Variants in DLGAP1 observed in about 807,000 individuals in gnomAD.
DLGAP1 encodes the protein disks large-associated protein 1.
A neutral mutation model predicts 90.8 loss-of-function variants in DLGAP1; 11 were observed. The observed-to-expected ratio is 0.12, with a 90% CI of 0.08 to 0.20. The LOEUF (loss-of-function observed/expected upper bound fraction) is 0.20, where lower values mean the gene tolerates loss of function less well. DLGAP1 is among the 10% of genes least tolerant of loss of function. The probability of loss-of-function intolerance (pLI) is 1.00; values close to 1 mark genes in which losing one functional copy is unlikely to be tolerated. For synonymous variants in DLGAP1, 558 were observed against 540.7 expected (o/e 1.03, Z -0.44); for missense variants, 1,050 against 1,333.8 (o/e 0.79, Z 3.31).
At chr18:3,765,891 C>T (rs1439742851) in intron 5 of DLGAP1, among the ~76,000 whole-genome samples, 1 of 151,796 alleles carries the variant, frequency 6.6e-6, no homozygotes. Context: ...AAATAGAATC[C>T]TGAAAAAATT....
At chr18:3,510,292 G>A (rs7242971) in intron 10 of DLGAP1, among the ~76,000 whole-genome samples, 10,966 of 152,258 alleles carry the variant, frequency 0.072, 622 homozygotes, top group African/African-American at 0.16. Flanking sequence ...GGTTAAAAGC[G>A]TTAGTGTATT....
intron 7 of DLGAP1, among the ~76,000 whole-genome samples, chr18:3,664,324 C>A (rs2059804830): frequency 6.6e-6 from 1 of 152,034 alleles, no homozygotes; most frequent in South Asian, 2.1e-4. Flanking sequence ...CTGAACCCTG[C>A]CTAAATTCCT....
intron 1 of DLGAP1, among the ~76,000 whole-genome samples, chr18:4,453,214 A>G (rs890113700): frequency 1.3e-5 from 2 of 152,222 alleles, no homozygotes; most frequent in African/African-American, 4.8e-5. Flanking sequence ...CCTGACTTCT[A>G]TGAACTTTCT....
At position 4,280,324 on chromosome 18, in the gene DLGAP1, T is replaced by C. The variant is rs575021732; in HGVS notation, c.-266-129037A>G. Among the ~76,000 whole-genome samples the C allele has an allele frequency of 2.6e-4, 39 of 152,338 alleles. 2 individuals are homozygous for C. The South Asian group carries it at 6.8e-3, about 27-fold the overall frequency. On this transcript the variant is annotated intron_variant, in intron 1 of 12. Coordinates refer to ENST00000315677, the MANE Select transcript of DLGAP1 (RefSeq NM_004746.4). ...AAACAATCTTGCCAGGAACTGTTCT[T>C]AGTGTCTGGGATACATGGATGAACA...
chr18:3,574,124 G>A (rs1235019519), intron 8 of DLGAP1, among the ~76,000 whole-genome samples: 3 of 152,150 alleles, frequency 2.0e-5, no homozygotes, highest in East Asian at 1.9e-4. Context: ...ATAGTTTTTC[G>A]AAAGGTCATA....
chr18:3,563,031 T>C lies in DLGAP1; in HGVS notation c.2057+4459A>G, dbSNP rs144207367. Among the ~76,000 whole-genome samples, 175 of 152,152 alleles carry C rather than the reference T, an allele frequency of 1.2e-3. 1 individual carries two copies. Among genetic ancestry groups the C allele is most frequent in the African/African-American group, 4.1e-3 (169 of 41,526 alleles). On this transcript the variant is annotated intron_variant, in intron 9 of 12. Transcript: ENST00000315677. ...TTGTAGAGATGGGATTTTGCCATAT[T>C]GCCCAGGTTGGTCTTGAACTCCTGG...
chr18:3,507,788 T>A, intron 11 of DLGAP1, among the ~76,000 whole-genome samples: 1 of 113,252 alleles, frequency 8.8e-6, no homozygotes. Context: ...TCCCCCAAAC[T>A]AGAGTGCAAT....
intron 1 of DLGAP1, among the ~76,000 whole-genome samples, chr18:4,394,589 A>C (rs2082403157): frequency 6.6e-6 from 1 of 152,190 alleles, no homozygotes; most frequent in African/African-American, 2.4e-5. Context: ...TTTTTGGAAT[A>C]ATTAGCCTAG....
intron 6 of DLGAP1, among the ~76,000 whole-genome samples, chr18:3,740,974 C>CT (rs2062891839): frequency 7.5e-6 from 1 of 132,818 alleles, no homozygotes; most frequent in Admixed American, 7.6e-5. Context: ...ACCACCATCA[C>CT]ATCACCACCA....
At chr18:3,743,086 G>A (rs1175958423) in intron 5 of DLGAP1, among the ~76,000 whole-genome samples, 2 of 151,746 alleles carry the variant, frequency 1.3e-5, no homozygotes, top group Admixed American at 1.3e-4. Flanking sequence ...ATCTTTATAT[G>A]TAAAGACAAG....
chr18:4,210,989 A>G (rs2077828950), intron 1 of DLGAP1, among the ~76,000 whole-genome samples: 1 of 152,216 alleles, frequency 6.6e-6, no homozygotes, highest in South Asian at 2.1e-4. Context: ...AAAGAGGCAA[A>G]ATAATTACCC....
At chr18:3,872,575 G>A (rs1176248523) in intron 4 of DLGAP1, among the ~76,000 whole-genome samples, 2 of 152,092 alleles carry the variant, frequency 1.3e-5, no homozygotes, top group Non-Finnish European at 2.9e-5. Flanking sequence ...CCAAAGTGGT[G>A]GAAAACATAA....
chr18:4,001,481 T>C (rs150972751), intron 3 of DLGAP1, among the ~76,000 whole-genome samples: 2 of 152,284 alleles, frequency 1.3e-5, no homozygotes, highest in East Asian at 3.9e-4. Flanking sequence ...TTTTTTTCTT[T>C]ATTAATGTTT....
chr18:4,109,780 A>AT lies in DLGAP1; in HGVS notation c.-159+41399dup, dbSNP rs1189747027. 2.8e-4 allele frequency among the ~76,000 whole-genome samples: 42 copies of AT among 150,842 alleles called. 2 individuals are homozygous for AT. The highest frequency in any genetic ancestry group is 5.9e-4 in the East Asian group (3 of 5,128). ...TCCTAACTCAAACTATTTCCCCCAT[A>AT]TTTTTTTTTATTTTAAATCATTCTT... is the stretch of plus-strand genomic sequence containing the variant. On this transcript the variant is annotated intron_variant, in intron 2 of 12. Coordinates refer to ENST00000315677, the MANE Select transcript of DLGAP1 (RefSeq NM_004746.4).
chr18:3,965,184 A>C (rs999052445), intron 3 of DLGAP1, among the ~76,000 whole-genome samples: 7 of 152,184 alleles, frequency 4.6e-5, no homozygotes, highest in Admixed American at 3.3e-4. Flanking sequence ...AAAACACTGA[A>C]CAACACCACA....
At chr18:4,321,734 CAG>C (rs1409117537) in intron 1 of DLGAP1, among the ~76,000 whole-genome samples, 2 of 152,148 alleles carry the variant, frequency 1.3e-5, no homozygotes, top group Admixed American at 1.3e-4. Flanking sequence ...TATATTTTAT[CAG>C]TTAAGACATT....
At chr18:3,723,419 G>A (rs1194399008) in intron 7 of DLGAP1, among the ~76,000 whole-genome samples, 1 of 152,170 alleles carries the variant, frequency 6.6e-6, no homozygotes, top group African/African-American at 2.4e-5. Flanking sequence ...TTATTCAATC[G>A]TCTGTGGCTT....
chr18:3,817,503 A>T (rs2148457032), intron 4 of DLGAP1, among the ~76,000 whole-genome samples: 1 of 152,346 alleles, frequency 6.6e-6, no homozygotes, highest in East Asian at 1.9e-4. Context: ...GATTACACAT[A>T]AAATAATACA....
intron 9 of DLGAP1, among the ~76,000 whole-genome samples, chr18:3,556,855 C>T (rs2053779852): frequency 1.3e-5 from 2 of 152,126 alleles, no homozygotes; most frequent in Non-Finnish European, 1.5e-5. Context: ...GTAGTTCATG[C>T]CTCTAATCTC....
Sources: allele counts gnomAD v4.1 joint callset (sites outside exome capture counted in the v4.1 genomes callset), GRCh38; gene constraint gnomAD v4.1.1; transcripts MANE v1.5; gene names NCBI Gene and HGNC (gene_info 2026-07-23, HGNC 2026-07-21).